MROH7: variants seen among roughly 807,000 people sequenced by gnomAD.
The protein encoded by MROH7 is maestro heat like repeat family member 7.
A neutral mutation model predicts 129.2 loss-of-function variants in MROH7; 113 were observed. The observed-to-expected ratio is 0.87, with a 90% CI of 0.75 to 1.02. The LOEUF (loss-of-function observed/expected upper bound fraction) is 1.02, where lower values mean the gene tolerates loss of function less well. MROH7 is among the 50% of genes least tolerant of loss of function. MROH7 has a pLI of 0.00. For missense variants in MROH7, 1,601 were observed against 1,671.3 expected (o/e 0.96, Z 0.73); for synonymous variants, 655 against 667.9 (o/e 0.98, Z 0.30).
chr1:54,670,667 A>ACCCCCCCCCCCCCCCCCCC, intron 6 of MROH7, 91 bp downstream of exon 6: 7 of 960,082 alleles, frequency 7.3e-6, no homozygotes, highest in South Asian at 1.6e-5. Context: ...CCCTCCCCCA[A>ACCCCCCCCCCCCCCCCCCC]CCCGCCCCCA....
At chr1:54,643,589 A>G (rs895984680) in intron 1 of MROH7, among the ~76,000 whole-genome samples, 1 of 152,168 alleles carries the variant, frequency 6.6e-6, no homozygotes, top group South Asian at 2.1e-4. Context: ...GAGGTAAGGG[A>G]AAGCTTCATG....
intron 16 of MROH7, among the ~76,000 whole-genome samples, chr1:54,693,380 G>A (rs921667964): frequency 4.6e-5 from 7 of 152,162 alleles, no homozygotes; most frequent in Non-Finnish European, 8.8e-5. Context: ...AACCCAGGAG[G>A]TGGAGGTTGC....
intron 20 of MROH7, 48 bp downstream of exon 20, chr1:54,702,293 T>C: frequency 7.3e-7 from 1 of 1,362,864 alleles, no homozygotes; most frequent in Non-Finnish European, 9.6e-7. Flanking sequence ...TCGGGTCCTG[T>C]GGGCGCACCT....
In MROH7 at chr1:54,682,612, A is replaced by T. The variant is rs571799618; in HGVS notation, c.2382-44A>T. 8.9e-6 allele frequency: 14 copies of T among 1,581,322 alleles called. No homozygotes were observed. The Admixed American group carries it at 1.6e-4, about 18-fold the overall frequency. On this transcript the variant is annotated intron_variant, in intron 13 of 23. Transcript: ENST00000421030. ...ACCATTTGGAGGCTGGGTTAGCCCC[A>T]CTGCCTTGGCCACCACTAATTGCCC...
rs778801607 is a variant in MROH7 at position 54,701,252 on chromosome 1, G to T, written c.3215G>T (p.Arg1072Leu). The T allele has an allele frequency of 6.2e-7, 1 of 1,614,002 alleles. No individual in the cohort carries two copies. Among genetic ancestry groups the T allele is most frequent in the East Asian group, 2.2e-5 (1 of 44,878 alleles). The change falls in exon 19 of 24, where the codon CGG becomes CTG. Residue 1072 changes from arginine (R) to leucine (L), a missense_variant. Physicochemically the swap from Arg to Leu is moderately radical, Grantham distance 102. Transcript: ENST00000421030. ...VHNLKAVFKGRDQKLMDSAVY... is the reference protein window; with the variant it reads ...VHNLKAVFKGLDQKLMDSAVY... ...AACCTCAAGGCTGTCTTCAAGGGGC[G>T]GGACCAGAAGCTGATGGACAGTGCG...
At chr1:54,654,615 G>A (rs183229061) in intron 3 of MROH7, among the ~76,000 whole-genome samples, 6 of 152,296 alleles carry the variant, frequency 3.9e-5, no homozygotes, top group Admixed American at 1.3e-4. Flanking sequence ...AGAGGTTACA[G>A]TGAGCTGAGA....
At chr1:54,661,503 C>T (rs193236010) in intron 3 of MROH7, among the ~76,000 whole-genome samples, 7 of 152,276 alleles carry the variant, frequency 4.6e-5, no homozygotes, top group Non-Finnish European at 7.4e-5. Flanking sequence ...TGAACCACCA[C>T]GTCAGGCCCT....
Position 54,709,969 on chromosome 1 carries a change from C to A in MROH7, c.3754C>A (p.Pro1252Thr), listed in dbSNP as rs1645597172. The A allele has an allele frequency of 6.2e-7, 1 of 1,613,736 alleles. No homozygotes were observed. The highest frequency in any genetic ancestry group is 1.7e-5 in the Admixed American group (1 of 59,998). ...KAALDNLRHD[P>T]EASVCIYAAQ... ...AGCTCTGGATAACTTGAGACATGAC[C>A]CAGAAGCATCAGTGTGCATCTACGC... The change falls in exon 24 of 24, where the codon CCA (proline) becomes ACA (threonine). Residue 1252 changes from proline (P) to threonine (T), a missense_variant. By Grantham distance (38) the Pro-to-Thr change is conservative (BLOSUM62 -1). Coordinates refer to ENST00000421030, the MANE Select transcript of MROH7 (RefSeq NM_001039464.4).
At chr1:54,661,633 T>C (rs1336671350) in intron 3 of MROH7, among the ~76,000 whole-genome samples, 1 of 152,002 alleles carries the variant, frequency 6.6e-6, no homozygotes, top group African/African-American at 2.4e-5. Context: ...TTTGCTCTTG[T>C]TGCCCAGGCT....
intron 10 of MROH7, among the ~76,000 whole-genome samples, chr1:54,674,959 T>C (rs914043673): frequency 6.6e-6 from 1 of 152,106 alleles, no homozygotes; most frequent in Non-Finnish European, 1.5e-5. Flanking sequence ...GAAAATGGTA[T>C]ACTCAGATAT....
At chr1:54,648,090 C>T (rs903601016) in intron 1 of MROH7, among the ~76,000 whole-genome samples, 4 of 151,794 alleles carry the variant, frequency 2.6e-5, no homozygotes, top group Non-Finnish European at 5.9e-5. Flanking sequence ...TATTATGTTG[C>T]CCAGGCTGGT....
intron 7 of MROH7, among the ~76,000 whole-genome samples, 178 bp from the exon 8 acceptor site, chr1:54,672,913 C>G (rs1350473305): frequency 6.6e-6 from 1 of 152,138 alleles, no homozygotes; most frequent in Admixed American, 6.5e-5. Flanking sequence ...AAACTGTAAC[C>G]CATGAGGGGA....
At chr1:54,693,514 G>A (rs1238481892) in intron 16 of MROH7, among the ~76,000 whole-genome samples, 1 of 152,138 alleles carries the variant, frequency 6.6e-6, no homozygotes, top group South Asian at 2.1e-4. Flanking sequence ...GTGGGGCAGG[G>A]GTGATTAACA....
Position 54,679,419 on chromosome 1 carries a change from C to T in MROH7, c.2206C>T (p.Arg736Cys), listed in dbSNP as rs967441341. The change falls in exon 12 of 24, where the codon CGC (arginine) becomes TGC (cysteine). Residue 736 changes from arginine to cysteine, a missense_variant. Coordinates refer to ENST00000421030, the MANE Select transcript of MROH7 (RefSeq NM_001039464.4). ...GCTCAGCTCGGTGCTGGAGTGGTAC[C>T]GCCACAGGGCGCTGGAGGTGGTAAG... ...VMLSSVLEWY[R>C]HRALEVIPEI... The T allele has an allele frequency of 9.9e-6, 16 of 1,613,482 alleles. No individual in the cohort carries two copies. The highest frequency in any genetic ancestry group is 3.3e-5 in the Admixed American group (2 of 59,988).
intron 14 of MROH7, among the ~76,000 whole-genome samples, chr1:54,685,112 G>A: frequency 6.6e-6 from 1 of 151,908 alleles, no homozygotes. Flanking sequence ...CACCTCCCGG[G>A]TTGCAGTGAT....
chr1:54,645,942 G>A (rs114082016), intron 1 of MROH7, among the ~76,000 whole-genome samples: 517 of 152,218 alleles, frequency 3.4e-3, no homozygotes, highest in African/African-American at 0.011. Context: ...ATGAGCCACC[G>A]CGTGCAGCCA....
rs977657032 is a variant in MROH7, at chr1:54,703,699, T to A, written c.3564+954T>A. 6.6e-6 allele frequency among the ~76,000 whole-genome samples: 1 copy of A among 152,084 alleles called. No homozygotes were observed. The highest frequency in any genetic ancestry group is 6.5e-5 in the Admixed American group (1 of 15,268). On this transcript the variant is annotated intron_variant, in intron 21 of 23. Transcript: ENST00000421030. The surrounding 1 kb of genome is among the most constrained non-coding windows in gnomAD (Gnocchi z 4.4). ...GCAGGATACAGCCTAGTCCTCCATA[T>A]GTCATTTGGGAGGATTTGCCCGCGG...
rs761936782 is a variant in MROH7, at chr1:54,682,718, T to G, written c.2444T>G (p.Leu815Arg). Residue 815 changes from leucine (L) to arginine (R), a missense_variant, in exon 14 of 24, where the codon CTC becomes CGC. Leu to Arg is a moderately radical substitution (Grantham distance 102, BLOSUM62 -2). Coordinates refer to ENST00000421030, the MANE Select transcript of MROH7 (RefSeq NM_001039464.4). Reference protein sequence around the residue: ...LCKPSCDVRDLLDLLLGSLKE... With the variant: ...LCKPSCDVRDRLDLLLGSLKE... ...AAGCCCAGCTGTGATGTCCGAGACC[T>G]CCTGGATCTGCTCCTGGGCAGCCTG... The G allele has an allele frequency of 9.9e-6, 16 of 1,614,040 alleles. No individual in the cohort carries two copies. The African/African-American group carries it at 2.1e-4, about 22-fold the overall frequency.
At position 54,653,159 on chromosome 1, in the gene MROH7, A is replaced by AAAAC; in HGVS notation, c.235_238dup (p.Thr80LysfsTer6). On this transcript the variant is annotated frameshift_variant, in exon 3 of 24. Transcript: ENST00000421030. LOFTEE classifies it high-confidence loss of function. Reference sequence around the variant, plus strand: ...GGGGAGGCCTCAGGCCTGGTGTCTGAAAACACCCCCAGACCTGATGACAGC... The same window carrying AAAAC: ...GGGGAGGCCTCAGGCCTGGTGTCTGAAAACAAACACCCCCAGACCTGATGACAGC... 1.9e-6 allele frequency: 3 copies of AAAAC among 1,614,142 alleles called. No individual in the cohort carries two copies. Among genetic ancestry groups the AAAAC allele is most frequent in the Non-Finnish European group, 2.5e-6 (3 of 1,180,024 alleles).
Sources: gnomAD v4.1 joint callset for allele counts (sites outside exome capture counted in the v4.1 genomes callset) on GRCh38, gnomAD v4.1.1 for gene constraint, Gnocchi (gnomAD v3.1) non-coding constraint, MANE v1.5 for transcripts, NCBI Gene and HGNC (gene_info 2026-07-23, HGNC 2026-07-21) for gene names.